The following EPS8L3 variants were observed in gnomAD, a reference collection of about 807,000 sequenced individuals.
EPS8L3 encodes the protein epidermal growth factor receptor kinase substrate 8-like protein 3.
In EPS8L3, 80 loss-of-function variants were observed where a neutral mutation model predicts 88.5. The observed-to-expected ratio is 0.90, with a 90% CI of 0.75 to 1.09. The LOEUF (loss-of-function observed/expected upper bound fraction) is 1.09. Ranked by LOEUF, EPS8L3 falls within the 50% of genes least tolerant of loss-of-function variation. The probability of loss-of-function intolerance (pLI) is 0.00; values close to 1 mark genes in which losing one functional copy is unlikely to be tolerated. For synonymous variants in EPS8L3, 286 were observed against 291.0 expected, an observed-to-expected ratio of 0.98 and a Z score of 0.18; for missense variants, 721 against 735.2, an observed-to-expected ratio of 0.98 and a Z score of 0.22.
At position 109,759,981 on chromosome 1, in the gene EPS8L3, C is replaced by G. The variant is rs112400349; in HGVS notation, c.97-145G>C. The G allele has an allele frequency of 3.2e-3, 2,569 of 806,746 alleles. 50 individuals carry two copies. The African/African-American group carries it at 0.038, about 12-fold the overall frequency. 50.0% of individuals were successfully genotyped at this position (806,746 alleles called of 1,614,324 possible). On this transcript the variant is annotated intron_variant, in intron 3 of 18. Coordinates refer to ENST00000361965, the MANE Select transcript of EPS8L3 (RefSeq NM_133181.4). This position sits in a 1 kb window ranked among gnomAD's most constrained non-coding sequence, Gnocchi z 4.2. ...AGGTTCCAGGCTTCAGATAAAGCAACTTTCCAGGGCCAATGTGAGGGACGG... is the reference window on the plus strand; with the variant it reads ...AGGTTCCAGGCTTCAGATAAAGCAAGTTTCCAGGGCCAATGTGAGGGACGG...
Position 109,759,852 on chromosome 1 carries a change from G to A in EPS8L3, c.97-16C>T, listed in dbSNP as rs1252230447. The A allele has an allele frequency of 1.2e-6, 2 of 1,612,448 alleles. No individual in the cohort carries two copies. Among genetic ancestry groups the A allele is most frequent in the Non-Finnish European group, 1.7e-6 (2 of 1,179,388 alleles). On this transcript the variant is annotated splice_polypyrimidine_tract_variant and intron_variant, in intron 3 of 18. Coordinates refer to ENST00000361965, the MANE Select transcript of EPS8L3 (RefSeq NM_133181.4). This position sits in a 1 kb window ranked among gnomAD's most constrained non-coding sequence, Gnocchi z 4.2. ...TCATCAAGTGCTGCAGGGAGAGGGG[G>A]AGTCCTAGGACTGGGAGAAAGCTCA...
Position 109,759,566 on chromosome 1 carries a change from G to T in EPS8L3, c.255+112C>A. The T allele has an allele frequency of 1.3e-6, 2 of 1,490,882 alleles. No individual in the cohort carries two copies. Among genetic ancestry groups the T allele is most frequent in the Non-Finnish European group, 1.8e-6 (2 of 1,107,156 alleles). 92.4% of individuals were successfully genotyped at this position (1,490,882 alleles called of 1,614,324 possible). A position where few individuals can be genotyped will look rare whatever the true frequency, so the allele number is the denominator to read the frequency against. ...CTCTTCCTAGGCTTGGGTGTGTGTT[G>T]TATGTGGGGAGAGTGGCTGCCCTTT... On this transcript the variant is annotated intron_variant, in intron 4 of 18. Transcript: ENST00000361965. This position sits in a 1 kb window ranked among gnomAD's most constrained non-coding sequence, Gnocchi z 4.2.
At position 109,759,241 on chromosome 1, in the gene EPS8L3, C is replaced by G. The variant is rs767270489; in HGVS notation, c.402G>C (p.Val134=). ...TSTLLFQCQE[V]GAERLKTSLQ... is the part of the protein sequence containing the mutation. ...CCAATCACCCCCGACCACTCACCCC[C>G]ACTTCCTGGCACTGGAAGAGCAGAG... The change falls in exon 5 of 19, where the codon GTG becomes GTC. Residue 134 remains valine, a synonymous_variant. Coordinates refer to ENST00000361965, the MANE Select transcript of EPS8L3 (RefSeq NM_133181.4). The surrounding 1 kb of genome is among the most constrained non-coding windows in gnomAD (Gnocchi z 4.2). 2.2e-5 allele frequency: 36 copies of G among 1,613,778 alleles called. No individual in the cohort carries two copies. Among genetic ancestry groups the G allele is most frequent in the Non-Finnish European group, 3.0e-5 (35 of 1,179,930 alleles).
At chr1:109,753,670 T>C (rs1650021138) in intron 12 of EPS8L3, among the ~76,000 whole-genome samples, 1 of 152,188 alleles carries the variant, frequency 6.6e-6, no homozygotes, top group South Asian at 2.1e-4. Context: ...CTGCTCCTGT[T>C]GACTGACTCT....
Position 109,758,605 on chromosome 1 carries a change from T to C in EPS8L3, c.520A>G (p.Arg174Gly). 6.2e-7 allele frequency: 1 copy of C among 1,612,908 alleles called. No homozygotes were observed. Among genetic ancestry groups the C allele is most frequent in the Non-Finnish European group, 8.5e-7 (1 of 1,179,334 alleles). Residue 174 changes from arginine (R) to glycine (G), a missense_variant, in exon 7 of 19, where the codon AGG (arginine) becomes GGG (glycine). Physicochemically the swap from Arg to Gly is moderately radical, Grantham distance 125. Coordinates refer to ENST00000361965, the MANE Select transcript of EPS8L3 (RefSeq NM_133181.4). ...CGTGCCTGCTCCATAGGGAGCGGCC[T>C]TTCCATAGCAGGCCCCCTCCATCTG... ...QDRWRGPAMERPLPMEQARYL... is the reference protein window; with the variant it reads ...QDRWRGPAMEGPLPMEQARYL...
intron 3 of EPS8L3, among the ~76,000 whole-genome samples, chr1:109,760,909 C>G (rs1437517143): frequency 6.6e-6 from 1 of 152,178 alleles, no homozygotes; most frequent in Non-Finnish European, 1.5e-5. Flanking sequence ...GACAGCCCTT[C>G]AGGCACCTAA....
At position 109,751,758 on chromosome 1, in the gene EPS8L3, A is replaced by G. The variant is rs1254439763; in HGVS notation, c.1459T>C (p.Trp487Arg). ...LEVLDHSKRWWLVKNEAGRSG... is the reference protein window; with the variant it reads ...LEVLDHSKRWRLVKNEAGRSG... ...CGTCCCGCCTCATTCTTCACCAGCC[A>G]CCACCGCTTGCTGTGGTCCAGAACC... Residue 487 changes from tryptophan (W) to arginine (R), a missense_variant, in exon 16 of 19, where the codon TGG becomes CGG. By Grantham distance (101) the Trp-to-Arg change is moderately radical. Transcript: ENST00000361965. The G allele has an allele frequency of 4.3e-6, 7 of 1,613,444 alleles. No individual in the cohort carries two copies. The highest frequency in any genetic ancestry group is 5.1e-6 in the Non-Finnish European group (6 of 1,179,972).
In EPS8L3 at chr1:109,758,325, C is replaced by T; in HGVS notation, c.708G>A (p.Glu236=). The T allele has an allele frequency of 6.2e-7, 1 of 1,613,660 alleles. No homozygotes were observed. Among genetic ancestry groups the T allele is most frequent in the Non-Finnish European group, 8.5e-7 (1 of 1,179,810 alleles). The change falls in exon 8 of 19, where the codon GAG becomes GAA. Residue 236 remains glutamate, a synonymous_variant. Coordinates refer to ENST00000361965, the MANE Select transcript of EPS8L3 (RefSeq NM_133181.4). ...PRRSSSPEDP[E]RDEEVLNHVL... is the part of the protein sequence containing the mutation. Reference sequence around the variant, plus strand: ...GACCATCCGCAGTTACCTCGTCCCTCTCTGGGTCCTCGGGGGAAGAGGACC... The same window carrying T: ...GACCATCCGCAGTTACCTCGTCCCTTTCTGGGTCCTCGGGGGAAGAGGACC...
rs1030385477 is a variant in EPS8L3, at chr1:109,750,625, TC to T, written c.1770+34del. On this transcript the variant is annotated intron_variant, in intron 18 of 18. Coordinates refer to ENST00000361965, the MANE Select transcript of EPS8L3 (RefSeq NM_133181.4). The stretch of plus-strand genomic sequence containing the variant: ...TCTCTCACCCAGGAGCACCAGACAC[TC>T]CCAATGGTTGTCAGGACCCCAGGGT... The T allele has an allele frequency of 1.9e-6, 3 of 1,613,586 alleles. No individual in the cohort carries two copies. The African/African-American group carries it at 4.0e-5, about 22-fold the overall frequency.
chr1:109,751,465 G>A, intron 16 of EPS8L3, 114 bp from the exon 17 acceptor site: 1 of 1,367,728 alleles, frequency 7.3e-7, no homozygotes, highest in Non-Finnish European at 1.0e-6. Flanking sequence ...CTTACTCTGT[G>A]GCTTTCTGGT....
In EPS8L3 at chr1:109,753,109, C is replaced by A; in HGVS notation, c.1200+8G>T. The A allele has an allele frequency of 1.2e-6, 2 of 1,611,028 alleles. No individual in the cohort carries two copies. Among genetic ancestry groups the A allele is most frequent in the Non-Finnish European group, 1.7e-6 (2 of 1,177,586 alleles). ...TGTGGGTAGGGCTCTATGCCAAGCT[C>A]CCCTTACTTGGCTGGAGGGCTCTGG... On this transcript the variant is annotated splice_region_variant and intron_variant, in intron 13 of 18. Coordinates refer to ENST00000361965, the MANE Select transcript of EPS8L3 (RefSeq NM_133181.4).
rs1650410235 is a variant in EPS8L3, at chr1:109,757,549, G to A, written c.901C>T (p.Leu301=). 1 of 1,613,822 alleles carries A rather than the reference G, an allele frequency of 6.2e-7. No homozygotes were observed. The highest frequency in any genetic ancestry group is 8.5e-7 in the Non-Finnish European group (1 of 1,179,844). The stretch of plus-strand genomic sequence containing the variant: ...CTTGTCTCCTTCAGCCAGGTGGCCA[G>A]CCTTCCCTGGGGACACAGAGCAATG... ...IKHSFNLLGR[L]ATWLKETSAP... is the part of the protein sequence containing the mutation. The change falls in exon 11 of 19, where the codon CTG becomes TTG. Residue 301 remains leucine, a synonymous_variant. Coordinates refer to ENST00000361965, the MANE Select transcript of EPS8L3 (RefSeq NM_133181.4).
intron 1 of EPS8L3, 29 bp from the exon 2 acceptor site, chr1:109,761,802 C>G: frequency 1.2e-6 from 2 of 1,606,148 alleles, no homozygotes; most frequent in South Asian, 2.2e-5. Context: ...CAGAGGCAGC[C>G]ATCAGAGCTG....
At chr1:109,756,138 C>T (rs1248958994) in intron 12 of EPS8L3, among the ~76,000 whole-genome samples, 2 of 152,220 alleles carry the variant, frequency 1.3e-5, no homozygotes, top group Admixed American at 6.5e-5. Flanking sequence ...CTCTCAGCTG[C>T]CTGGCCACCA....
chr1:109,758,926 G>C (rs113426623), intron 6 of EPS8L3, 136 bp downstream of exon 6: 3 of 996,342 alleles, frequency 3.0e-6, no homozygotes, highest in Admixed American at 2.2e-5. Context: ...GCCCACCTCT[G>C]TCCTGGCTCC....
chr1:109,753,216 G>T lies in EPS8L3; in HGVS notation c.1119-18C>A, dbSNP rs376975365. On this transcript the variant is annotated intron_variant, in intron 12 of 18. Coordinates refer to ENST00000361965, the MANE Select transcript of EPS8L3 (RefSeq NM_133181.4). ...AGTCGGCCCTGAAGAGGGAAACAAA[G>T]CTGAGTTCACATCCACTCTGTGAAC... 1.9e-6 allele frequency: 3 copies of T among 1,589,854 alleles called. No homozygotes were observed. In the African/African-American group the frequency reaches 4.0e-5, roughly 21 times the overall value.
At chr1:109,755,479 C>T (rs1650191332) in intron 12 of EPS8L3, among the ~76,000 whole-genome samples, 2 of 152,118 alleles carry the variant, frequency 1.3e-5, no homozygotes, top group African/African-American at 2.4e-5. Context: ...ACAAACTGGA[C>T]ACAAAATTTT....
intron 12 of EPS8L3, among the ~76,000 whole-genome samples, chr1:109,756,086 T>C (rs1166370425): frequency 6.6e-6 from 1 of 152,176 alleles, no homozygotes; most frequent in Non-Finnish European, 1.5e-5. Flanking sequence ...TCTGGAGTGC[T>C]CCCCAGTAGC....
chr1:109,751,806 C>A lies in EPS8L3; in HGVS notation c.1435-24G>T, dbSNP rs765835246. The A allele has an allele frequency of 4.3e-6, 7 of 1,611,482 alleles. No homozygotes were observed. The Admixed American group carries it at 8.3e-5, about 19-fold the overall frequency. On this transcript the variant is annotated intron_variant, in intron 15 of 18. Transcript: ENST00000361965. ...ACCTGCCAAGAGTCACCACCTCAGT[C>A]CCCTGAGCCTCTTTCCAGCCAGCCT... is the stretch of plus-strand genomic sequence containing the variant.
Sources: gnomAD v4.1 joint callset for allele counts (sites outside exome capture counted in the v4.1 genomes callset) on GRCh38, gnomAD v4.1.1 for gene constraint, Gnocchi (gnomAD v3.1) non-coding constraint, MANE v1.5 for transcripts, NCBI Gene and HGNC (gene_info 2026-07-23, HGNC 2026-07-21) for gene names.